Variants in TACC3 observed in about 807,000 individuals in gnomAD.
The protein encoded by TACC3 is transforming acidic coiled-coil-containing protein 3.
TACC3 carries 52 observed loss-of-function variants against 86.0 expected under a neutral mutation model. The observed-to-expected ratio is 0.60, with a 90% CI of 0.48 to 0.76. The LOEUF (loss-of-function observed/expected upper bound fraction) is 0.76, where lower values mean the gene tolerates loss of function less well. Ranked by LOEUF, TACC3 falls within the 30% of genes least tolerant of loss-of-function variation. TACC3 has a pLI of 0.00. For missense variants in TACC3, 1,120 were observed against 1,070.4 expected (o/e 1.05, Z -0.65); for synonymous variants, 512 against 430.0 (o/e 1.19, Z -2.36).
At chr4:1,724,323 G>T (rs181875930) in intron 3 of TACC3, among the ~76,000 whole-genome samples, 1 of 151,260 alleles carries the variant, frequency 6.6e-6, no homozygotes, top group East Asian at 1.9e-4. Flanking sequence ...GCAGCATATG[G>T]CCAGTTCACT....
rs1717844427 is a variant in TACC3, at chr4:1,728,676, G to C, written c.1274G>C (p.Gly425Ala). 1 of 1,613,692 alleles carries C rather than the reference G, an allele frequency of 6.2e-7. No homozygotes were observed. The highest frequency in any genetic ancestry group is 1.1e-5 in the South Asian group (1 of 91,096). The change falls in exon 4 of 16, where the codon GGT (glycine) becomes GCT (alanine). Residue 425 changes from glycine to alanine, a missense_variant. By Grantham distance (60) the Gly-to-Ala change is moderately conservative. Coordinates refer to ENST00000313288, the MANE Select transcript of TACC3 (RefSeq NM_006342.3). ...FIPFGGDTKS[G>A]CSEAQPPESP... ...CCGTTCGGAGGTGACACCAAGTCTG[G>C]TTGCAGTGAGGCCCAGCCCCCAGAA...
chr4:1,728,991 CTT>C (rs1356952386), intron 4 of TACC3, among the ~76,000 whole-genome samples: 1 of 152,214 alleles, frequency 6.6e-6, no homozygotes, highest in African/African-American at 2.4e-5. Flanking sequence ...CCATGCATCT[CTT>C]TAGTGCTCCT....
rs570625414 is a variant in TACC3 at position 1,736,255 on chromosome 4, C to G, written c.1748+421C>G. ...CCTGGGCAACATGTTGAAACCCCGT[C>G]TCTACTAAAATACAAAAATTAGCCG... On this transcript the variant is annotated intron_variant, in intron 8 of 15. Coordinates refer to ENST00000313288, the MANE Select transcript of TACC3 (RefSeq NM_006342.3). Among the ~76,000 whole-genome samples, 4 of 152,088 alleles carry G rather than the reference C, an allele frequency of 2.6e-5. No homozygotes were observed. In the South Asian group the frequency reaches 8.3e-4, roughly 32 times the overall value.
In TACC3 at chr4:1,737,276, C is replaced by T. The variant is rs187107897; in HGVS notation, c.1784C>T (p.Pro595Leu). Residue 595 changes from proline (P) to leucine (L), a missense_variant, in exon 9 of 16, where the codon CCG becomes CTG. Transcript: ENST00000313288. Reference sequence around the variant, plus strand: ...GCAAATGAGACTCCCTCAGGACGTCCGCGGGAAGCCAAGCTTGTGGAGTTC... The same window carrying T: ...GCAAATGAGACTCCCTCAGGACGTCTGCGGGAAGCCAAGCTTGTGGAGTTC... ...HGANETPSGR[P>L]REAKLVEFDF... 57 of 1,614,136 alleles carry T rather than the reference C, an allele frequency of 3.5e-5. No homozygotes were observed. The Middle Eastern group carries it at 6.6e-4, about 19-fold the overall frequency.
intron 13 of TACC3, 110 bp downstream of exon 13, chr4:1,741,096 C>T (rs1363479466): frequency 1.7e-5 from 19 of 1,096,166 alleles, no homozygotes; most frequent in Middle Eastern, 3.1e-4. Context: ...GGCCAAGCCT[C>T]CCCTTGCCAC....
chr4:1,744,372 G>A, intron 13 of TACC3, 146 bp from the exon 14 acceptor site: 1 of 697,568 alleles, frequency 1.4e-6, no homozygotes, highest in Non-Finnish European at 2.4e-6. Flanking sequence ...TGTGTGAAGG[G>A]GCTTTTTCCA....
chr4:1,724,193 T>A (rs1459030553), intron 3 of TACC3, among the ~76,000 whole-genome samples: 2 of 150,390 alleles, frequency 1.3e-5, no homozygotes, highest in African/African-American at 2.5e-5. Flanking sequence ...ATGGTCTTGA[T>A]CTCCTCCTGA....
rs376743853 is a variant in TACC3, at chr4:1,740,171, G to A, written c.2062+169G>A. 8.7e-4 allele frequency: 575 copies of A among 664,494 alleles called. 15 individuals are homozygous for A. The East Asian group carries it at 0.011, about 13-fold the overall frequency. The allele number at this position is 664,494 out of a possible 1,614,324, so 41.2% of individuals were successfully genotyped here. A position where few individuals can be genotyped will look rare whatever the true frequency, so the allele number is the denominator to read the frequency against. On this transcript the variant is annotated intron_variant, in intron 12 of 15. Coordinates refer to ENST00000313288, the MANE Select transcript of TACC3 (RefSeq NM_006342.3). ...CCGTGGAAGCACTGAGGCGAGTTGC[G>A]GGGAAGCTGGTGGTAGTGAGGCTGG...
At chr4:1,724,012 A>T in intron 3 of TACC3, 142 bp downstream of exon 3, 1 of 918,544 alleles carries the variant, frequency 1.1e-6, no homozygotes, top group East Asian at 2.5e-5. Flanking sequence ...TCTGTTGCCC[A>T]CGCTGGAGTG....
In TACC3 at chr4:1,731,129, AC is replaced by A. The variant is rs1232683526; in HGVS notation, c.1462-41del. 2.5e-6 allele frequency: 4 copies of A among 1,608,680 alleles called. No homozygotes were observed. In the African/African-American group the frequency reaches 5.3e-5, roughly 21 times the overall value. ...GGGGAGGCAAAGCCACACCCCAAGT[AC>A]CTTGACTGCACTGCACAGGGTGACT... On this transcript the variant is annotated intron_variant, in intron 5 of 15. Coordinates refer to ENST00000313288, the MANE Select transcript of TACC3 (RefSeq NM_006342.3).
In TACC3 at chr4:1,735,707, G is replaced by A. The variant is rs748848208; in HGVS notation, c.1645-24G>A. 3 of 1,588,576 alleles carry A rather than the reference G, an allele frequency of 1.9e-6. No homozygotes were observed. Among genetic ancestry groups the A allele is most frequent in the African/African-American group, 2.7e-5 (2 of 74,668 alleles). On this transcript the variant is annotated intron_variant, in intron 7 of 15. Coordinates refer to ENST00000313288, the MANE Select transcript of TACC3 (RefSeq NM_006342.3). The surrounding 1 kb of genome is among the most constrained non-coding windows in gnomAD (Gnocchi z 4.2). ...GTGTTAGGGGATGGCAGTCAGACCTGATCACTTGCCCTCTTGTCCCCAGTT... is the reference window on the plus strand; with the variant it reads ...GTGTTAGGGGATGGCAGTCAGACCTAATCACTTGCCCTCTTGTCCCCAGTT...
At chr4:1,742,431 C>T (rs1718639204) in intron 13 of TACC3, among the ~76,000 whole-genome samples, 1 of 152,252 alleles carries the variant, frequency 6.6e-6, no homozygotes, top group South Asian at 2.1e-4. Context: ...CCTACTTCCT[C>T]ATGGAGGCTC....
intron 1 of TACC3, among the ~76,000 whole-genome samples, chr4:1,722,777 A>G (rs1374467): frequency 0.18 from 27,594 of 152,174 alleles, 2,756 homozygotes; most frequent in African/African-American, 0.2. Flanking sequence ...GGACCTGGGC[A>G]GCCCTGGAAC....
At position 1,728,603 on chromosome 4, in the gene TACC3, G is replaced by C; in HGVS notation, c.1201G>C (p.Gly401Arg). The C allele has an allele frequency of 6.2e-7, 1 of 1,613,954 alleles. No individual in the cohort carries two copies. The highest frequency in any genetic ancestry group is 8.5e-7 in the Non-Finnish European group (1 of 1,179,996). Residue 401 changes from glycine (G) to arginine (R), a missense_variant, in exon 4 of 16, where the codon GGC (glycine) becomes CGC (arginine). Physicochemically the swap from Gly to Arg is moderately radical, Grantham distance 125 (BLOSUM62 -2). Coordinates refer to ENST00000313288, the MANE Select transcript of TACC3 (RefSeq NM_006342.3). ...GEDPPMPASR[G>R]SYHLDWDKMD... ...GGACCCCCCCATGCCAGCTTCTCGG[G>C]GCTCTTACCACCTCGACTGGGACAA...
In TACC3 at chr4:1,737,282, A is replaced by G; in HGVS notation, c.1790A>G (p.Glu597Gly). ...GAGACTCCCTCAGGACGTCCGCGGG[A>G]AGCCAAGCTTGTGGAGTTCGATTTC... is the stretch of plus-strand genomic sequence containing the variant. ...ANETPSGRPREAKLVEFDFLG... is the reference protein window; with the variant it reads ...ANETPSGRPRGAKLVEFDFLG... Residue 597 changes from glutamate (E) to glycine (G), a missense_variant, in exon 9 of 16, where the codon GAA becomes GGA. Glu to Gly is a moderately conservative substitution (Grantham distance 98). Coordinates refer to ENST00000313288, the MANE Select transcript of TACC3 (RefSeq NM_006342.3). 6.2e-7 allele frequency: 1 copy of G among 1,614,124 alleles called. No homozygotes were observed. The highest frequency in any genetic ancestry group is 8.5e-7 in the Non-Finnish European group (1 of 1,180,020).
At chr4:1,732,012 T>G (rs1718028098) in intron 6 of TACC3, among the ~76,000 whole-genome samples, 2 of 152,260 alleles carry the variant, frequency 1.3e-5, no homozygotes, top group Admixed American at 1.3e-4. Context: ...TCCGTAAGAC[T>G]GGAGGCTGCA....
Position 1,739,758 on chromosome 4 carries a change from C to A in TACC3, c.1998C>A (p.His666Gln), listed in dbSNP as rs150991238. ...RELRSRCEEL[H>Q]GKNLELGKIM... ...TGAGGAGCAGGTGTGAGGAGCTCCA[C>A]GGGAAGAACCTGGAACTGGGGTAAG... The change falls in exon 11 of 16, where the codon CAC becomes CAA. Residue 666 changes from histidine (H) to glutamine (Q), a missense_variant. Coordinates refer to ENST00000313288, the MANE Select transcript of TACC3 (RefSeq NM_006342.3). 5.7e-6 allele frequency: 9 copies of A among 1,586,094 alleles called. No individual in the cohort carries two copies. In the African/African-American group the frequency reaches 1.2e-4, roughly 21 times the overall value.
At position 1,728,243 on chromosome 4, in the gene TACC3, AC is replaced by A; in HGVS notation, c.846del (p.Val283CysfsTer32). 6.2e-7 allele frequency: 1 copy of A among 1,612,364 alleles called. No individual in the cohort carries two copies. Among genetic ancestry groups the A allele is most frequent in the Non-Finnish European group, 8.5e-7 (1 of 1,179,872 alleles). ...EALGCPAGVG[T>X]PVPADGTQTL... is the part of the protein sequence containing the mutation. ...CCTGGGCTGCCCTGCGGGTGTGGGCACCCCCGTGCCAGCAGATGGCACTCAG... is the reference window on the plus strand; with the variant it reads ...CCTGGGCTGCCCTGCGGGTGTGGGCACCCCGTGCCAGCAGATGGCACTCAG... On this transcript the variant is annotated frameshift_variant, in exon 4 of 16. Transcript: ENST00000313288. LOFTEE classifies it high-confidence loss of function.
Position 1,744,728 on chromosome 4 carries a change from G to GC in TACC3, c.2350dup (p.Gln784ProfsTer36). On this transcript the variant is annotated frameshift_variant, in exon 15 of 16. Transcript: ENST00000313288. LOFTEE classifies it high-confidence loss of function. ...CCCCTCCAGGGCAAACGAGGAGATC[G>GC]CCCAGGTCCGGAGCAAGGCCCAGGC... 6.2e-7 allele frequency: 1 copy of GC among 1,612,532 alleles called. No individual in the cohort carries two copies. Among genetic ancestry groups the GC allele is most frequent in the Non-Finnish European group, 8.5e-7 (1 of 1,179,960 alleles).
Sources: allele counts gnomAD v4.1 joint callset (sites outside exome capture counted in the v4.1 genomes callset), GRCh38; gene constraint gnomAD v4.1.1; non-coding constraint Gnocchi (gnomAD v3.1); transcripts MANE v1.5; gene names NCBI Gene and HGNC (gene_info 2026-07-23, HGNC 2026-07-21).